Variants in NEDD4L observed in about 807,000 individuals in gnomAD.
NEDD4L encodes the protein NEDD4 like E3 ubiquitin protein ligase.
A neutral mutation model predicts 148.9 loss-of-function variants in NEDD4L; 54 were observed. The ratio of observed to expected loss-of-function variants is 0.36; its 90% CI spans 0.29 to 0.45. The LOEUF is 0.45. NEDD4L is among the 20% of genes least tolerant of loss of function. The pLI is 1.00. For synonymous variants in NEDD4L, 433 were observed against 440.7 expected (o/e 0.98, Z 0.22); for missense variants, 856 against 1,233.8 (o/e 0.69, Z 4.59).
rs936134835 is a variant in NEDD4L at position 58,177,551 on chromosome 18, C to T, written c.122+11690C>T. 5.9e-5 allele frequency among the ~76,000 whole-genome samples: 9 copies of T among 152,168 alleles called. 1 individual carries two copies. Among genetic ancestry groups the T allele is most frequent in the African/African-American group, 2.2e-4 (9 of 41,438 alleles). On this transcript the variant is annotated intron_variant, in intron 2 of 30. Coordinates refer to ENST00000400345, the MANE Select transcript of NEDD4L (RefSeq NM_001144967.3). ...TTTTAATGGTTCTCCCCATTGTAGA[C>T]AGGACTGGCTCTCCACCCCATCCTC... is the stretch of plus-strand genomic sequence containing the variant.
intron 2 of NEDD4L, among the ~76,000 whole-genome samples, chr18:58,235,465 A>G (rs1450337215): frequency 6.6e-6 from 1 of 152,212 alleles, no homozygotes; most frequent in African/African-American, 2.4e-5. Flanking sequence ...GTGAAGTGCA[A>G]GCCGAGTCCT....
chr18:58,144,561 C>T (rs55897659), intron 1 of NEDD4L, among the ~76,000 whole-genome samples: 39,855 of 151,962 alleles, frequency 0.26, 5,331 homozygotes, highest in African/African-American at 0.32. Flanking sequence ...GGGATCTTAC[C>T]TCTTTGAAGC....
In NEDD4L at chr18:58,328,529, A is replaced by T. The variant is rs556467097; in HGVS notation, c.681-466A>T. Among the ~76,000 whole-genome samples the T allele has an allele frequency of 4.6e-5, 7 of 152,276 alleles. No individual in the cohort carries two copies. The South Asian group carries it at 1.2e-3, about 27-fold the overall frequency. ...TACTTTCCTCCAGATGACAGCTTTG[A>T]ATTTGTCCCTTTTGTAGTCTTTGGT... On this transcript the variant is annotated intron_variant, in intron 9 of 30. Coordinates refer to ENST00000400345, the MANE Select transcript of NEDD4L (RefSeq NM_001144967.3).
chr18:58,086,280 A>G (rs1418573726), intron 1 of NEDD4L, among the ~76,000 whole-genome samples: 1 of 152,106 alleles, frequency 6.6e-6, no homozygotes, highest in Non-Finnish European at 1.5e-5. Flanking sequence ...CAGAAGGGAG[A>G]AAATAAGACG....
intron 16 of NEDD4L, among the ~76,000 whole-genome samples, chr18:58,346,639 AT>A (rs1259363455): frequency 6.6e-6 from 1 of 152,228 alleles, no homozygotes; most frequent in Admixed American, 6.5e-5. Flanking sequence ...TATATTTTGA[AT>A]TAGGAAAGCC....
In NEDD4L at chr18:58,343,564, C is replaced by T. The variant is rs192027284; in HGVS notation, c.1575+461C>T. The stretch of plus-strand genomic sequence containing the variant: ...CGTTCACATCAGATCAGTATTCACA[C>T]ATCTGAGGTACATTTTCATGCCCTT... On this transcript the variant is annotated intron_variant, in intron 16 of 30. Coordinates refer to ENST00000400345, the MANE Select transcript of NEDD4L (RefSeq NM_001144967.3). Among the ~76,000 whole-genome samples the T allele has an allele frequency of 4.8e-3, 734 of 152,314 alleles. 4 individuals carry two copies. The highest frequency in any genetic ancestry group is 8.5e-3 in the Non-Finnish European group (578 of 68,034).
At chr18:58,291,857 C>T (rs4941380) in intron 5 of NEDD4L, among the ~76,000 whole-genome samples, 66,780 of 151,936 alleles carry the variant, frequency 0.44, 15,248 homozygotes, top group African/African-American at 0.57. Context: ...GTTTTCCCTT[C>T]CCTTCCTCTC....
At chr18:58,067,071 G>T (rs2082638060) in intron 1 of NEDD4L, among the ~76,000 whole-genome samples, 1 of 152,128 alleles carries the variant, frequency 6.6e-6, no homozygotes, top group Non-Finnish European at 1.5e-5. Context: ...AATGTTTCCA[G>T]CCCTGAACTC....
At chr18:58,312,910 C>T (rs1402868258) in intron 5 of NEDD4L, among the ~76,000 whole-genome samples, 2 of 152,220 alleles carry the variant, frequency 1.3e-5, no homozygotes, top group Non-Finnish European at 2.9e-5. Flanking sequence ...GAACTCCTGA[C>T]CTCAAGTGAT....
At chr18:58,070,797 C>T (rs75843789) in intron 1 of NEDD4L, among the ~76,000 whole-genome samples, 3,956 of 131,176 alleles carry the variant, frequency 0.03, 181 homozygotes, top group African/African-American at 0.1. Flanking sequence ...TAGTTACTAG[C>T]GAACCACTAA....
intron 2 of NEDD4L, among the ~76,000 whole-genome samples, chr18:58,210,600 C>T (rs879801544): frequency 2.6e-5 from 4 of 152,134 alleles, no homozygotes; most frequent in Non-Finnish European, 5.9e-5. Context: ...AGGCATGTGC[C>T]ATCATGCCCG....
chr18:58,080,660 G>A (rs777979383), intron 1 of NEDD4L, among the ~76,000 whole-genome samples: 3 of 152,228 alleles, frequency 2.0e-5, no homozygotes, highest in Non-Finnish European at 4.4e-5. Flanking sequence ...GCGGGGATGT[G>A]TAGCTTCACT....
chr18:58,149,448 CT>C, intron 1 of NEDD4L: 1 of 1,535,326 alleles, frequency 6.5e-7, no homozygotes, highest in Non-Finnish European at 8.8e-7. Flanking sequence ...GCAGCCACGA[CT>C]TCCGCATACT....
At chr18:58,329,342 G>A (rs1316186500) in intron 10 of NEDD4L, among the ~76,000 whole-genome samples, 1 of 152,080 alleles carries the variant, frequency 6.6e-6, no homozygotes, top group Non-Finnish European at 1.5e-5. Context: ...TATAGAAATG[G>A]GAATAACATT....
At chr18:58,157,185 C>CAAAAAAAA (rs59302556) in intron 1 of NEDD4L, among the ~76,000 whole-genome samples, 1 of 89,304 alleles carries the variant, frequency 1.1e-5, no homozygotes. Flanking sequence ...GACCTTGTCT[C>CAAAAAAAA]AAAAAAAAAA....
chr18:58,198,467 G>A (rs889132607), intron 2 of NEDD4L, among the ~76,000 whole-genome samples: 8 of 152,218 alleles, frequency 5.3e-5, no homozygotes, highest in Admixed American at 2.0e-4. Context: ...TAGGGAATGG[G>A]GCCTATTTTA....
chr18:58,163,041 G>A (rs1264756619), intron 1 of NEDD4L, among the ~76,000 whole-genome samples: 1 of 150,832 alleles, frequency 6.6e-6, no homozygotes, highest in Non-Finnish European at 1.5e-5. Context: ...TCCACCTTGG[G>A]TGATAGAGTA....
chr18:58,274,016 G>A (rs888092086), intron 5 of NEDD4L, among the ~76,000 whole-genome samples: 5 of 152,168 alleles, frequency 3.3e-5, no homozygotes, highest in African/African-American at 1.2e-4. Context: ...CTTTCTACAC[G>A]TAGCCTTTCA....
At chr18:58,262,929 T>C (rs1254586809) in intron 5 of NEDD4L, among the ~76,000 whole-genome samples, 1 of 152,202 alleles carries the variant, frequency 6.6e-6, no homozygotes, top group African/African-American at 2.4e-5. Flanking sequence ...TCTTTCAGGA[T>C]GGAGGATGGA....
Sources: allele counts gnomAD v4.1 joint callset (sites outside exome capture counted in the v4.1 genomes callset), GRCh38; gene constraint gnomAD v4.1.1; transcripts MANE v1.5; gene names NCBI Gene and HGNC (gene_info 2026-07-23, HGNC 2026-07-21).